Variants in XYLT1 observed in about 807,000 individuals in gnomAD.
XYLT1 encodes beta-D-xylosyltransferase 1.
A neutral mutation model predicts 91.3 loss-of-function variants in XYLT1; 36 were observed. The observed-to-expected ratio is 0.39, with a 90% CI of 0.30 to 0.52. The LOEUF (loss-of-function observed/expected upper bound fraction) is 0.52, where lower values mean the gene tolerates loss of function less well. Among genes scored for constraint, XYLT1 ranks in the 20% least tolerant of loss-of-function variants. The pLI is 0.68. For synonymous variants in XYLT1, 588 were observed against 532.0 expected (o/e 1.11, Z -1.45); for missense variants, 1,242 against 1,284.5 (o/e 0.97, Z 0.51).
chr16:17,367,234 C>G (rs2035466919), intron 1 of XYLT1, among the ~76,000 whole-genome samples: 1 of 152,188 alleles, frequency 6.6e-6, no homozygotes, highest in Admixed American at 6.5e-5. Flanking sequence ...AGCTCAGAGG[C>G]ATCTCAGACC....
chr16:17,148,720 G>A (rs2031202590), intron 6 of XYLT1, among the ~76,000 whole-genome samples: 1 of 152,188 alleles, frequency 6.6e-6, no homozygotes, highest in African/African-American at 2.4e-5. Flanking sequence ...TCCAATGCAA[G>A]CTCTTAACTA....
intron 3 of XYLT1, among the ~76,000 whole-genome samples, chr16:17,258,223 A>G (rs1487579051): frequency 6.6e-6 from 1 of 151,950 alleles, no homozygotes; most frequent in Middle Eastern, 3.2e-3. Context: ...GGGAGGAGAG[A>G]AAAATTAGGA....
At chr16:17,162,104 G>A (rs1418776169) in intron 5 of XYLT1, among the ~76,000 whole-genome samples, 1 of 152,112 alleles carries the variant, frequency 6.6e-6, no homozygotes, top group African/African-American at 2.4e-5. Flanking sequence ...TAGTCACAAT[G>A]ATGCTAAAAA....
chr16:17,142,808 A>C (rs1359144130), intron 6 of XYLT1, among the ~76,000 whole-genome samples: 1 of 152,150 alleles, frequency 6.6e-6, no homozygotes, highest in Non-Finnish European at 1.5e-5. Context: ...CACCAACTAT[A>C]ATGTGACAGG....
In XYLT1 at chr16:17,191,222, T is replaced by A. The variant is rs542452622; in HGVS notation, c.1289+6990A>T. 2.0e-5 allele frequency among the ~76,000 whole-genome samples: 3 copies of A among 152,370 alleles called. No homozygotes were observed. In the South Asian group the frequency reaches 6.2e-4, roughly 32 times the overall value. The stretch of plus-strand genomic sequence containing the variant: ...CTGAATTGTAAAGCACTTAGAATAA[T>A]GCTAGGAATGTACGAAGTGCTACAT... On this transcript the variant is annotated intron_variant, in intron 5 of 11. Coordinates refer to ENST00000261381, the MANE Select transcript of XYLT1 (RefSeq NM_022166.4).
chr16:17,285,968 G>C (rs1445955422), intron 2 of XYLT1, among the ~76,000 whole-genome samples: 1 of 151,986 alleles, frequency 6.6e-6, no homozygotes, highest in African/African-American at 2.4e-5. Context: ...GAGAGAGACA[G>C]AGAGACAGAG....
chr16:17,213,651 C>T, intron 3 of XYLT1, among the ~76,000 whole-genome samples: 1 of 151,922 alleles, frequency 6.6e-6, no homozygotes, highest in South Asian at 2.1e-4. Flanking sequence ...CTGAGTCTCG[C>T]ACTGTCGCCC....
At position 17,186,580 on chromosome 16, in the gene XYLT1, G is replaced by A. The variant is rs534649443; in HGVS notation, c.1289+11632C>T. ...TCGGCCTCTCAAAGTGCTGGGATAGGCATGAGCCACTGCGCCTGCTGAACT... is the reference window on the plus strand; with the variant it reads ...TCGGCCTCTCAAAGTGCTGGGATAGACATGAGCCACTGCGCCTGCTGAACT... On this transcript the variant is annotated intron_variant, in intron 5 of 11. Coordinates refer to ENST00000261381, the MANE Select transcript of XYLT1 (RefSeq NM_022166.4). 1.0e-3 allele frequency among the ~76,000 whole-genome samples: 159 copies of A among 151,684 alleles called. 3 individuals are homozygous for A. The South Asian group carries it at 0.019, about 18-fold the overall frequency.
chr16:17,455,003 G>A (rs540591359), intron 1 of XYLT1, among the ~76,000 whole-genome samples: 4 of 141,246 alleles, frequency 2.8e-5, no homozygotes, highest in South Asian at 2.2e-4. Flanking sequence ...TGGCTTGTAA[G>A]CTGGGGTTCG....
At chr16:17,445,033 T>G (rs1200155258) in intron 1 of XYLT1, among the ~76,000 whole-genome samples, 2 of 152,216 alleles carry the variant, frequency 1.3e-5, no homozygotes, top group Non-Finnish European at 2.9e-5. Flanking sequence ...AGGGTCTCAC[T>G]CTATCACCCA....
chr16:17,218,579 A>G (rs1164121821), intron 3 of XYLT1, among the ~76,000 whole-genome samples: 5 of 152,170 alleles, frequency 3.3e-5, no homozygotes, highest in Admixed American at 6.5e-5. Flanking sequence ...GCTTTCATCC[A>G]TAGGTCCTAA....
chr16:17,219,436 G>T (rs953791390), intron 3 of XYLT1, among the ~76,000 whole-genome samples: 1 of 152,146 alleles, frequency 6.6e-6, no homozygotes, highest in Non-Finnish European at 1.5e-5. Flanking sequence ...GCTACATCTT[G>T]TCTTTTACCA....
chr16:17,414,770 TG>T (rs1219106171), intron 1 of XYLT1, among the ~76,000 whole-genome samples: 1 of 152,210 alleles, frequency 6.6e-6, no homozygotes, highest in Non-Finnish European at 1.5e-5. Flanking sequence ...ACCTCCTCAC[TG>T]TGTGTACCAG....
intron 3 of XYLT1, among the ~76,000 whole-genome samples, chr16:17,230,778 T>G (rs140724791): frequency 6.6e-6 from 1 of 152,210 alleles, no homozygotes. Context: ...CTCTTCTCTA[T>G]GCTTTAAATA....
At chr16:17,184,187 T>TTTA (rs1318638979) in intron 5 of XYLT1, among the ~76,000 whole-genome samples, 4 of 118,718 alleles carry the variant, frequency 3.4e-5, no homozygotes, top group African/African-American at 1.3e-4. Flanking sequence ...AAAGACGGCT[T>TTTA]TTTTTTTTTT....
At chr16:17,334,148 T>C (rs1169814559) in intron 2 of XYLT1, among the ~76,000 whole-genome samples, 1 of 152,202 alleles carries the variant, frequency 6.6e-6, no homozygotes, top group Non-Finnish European at 1.5e-5. Flanking sequence ...TGCTGGCACC[T>C]TGATCTTGGA....
chr16:17,288,457 G>A (rs551539172), intron 2 of XYLT1, among the ~76,000 whole-genome samples: 1 of 152,150 alleles, frequency 6.6e-6, no homozygotes, highest in East Asian at 1.9e-4. Flanking sequence ...TGTTCTTCTT[G>A]GGGCTTGTCT....
chr16:17,144,169 G>A (rs1461273553), intron 6 of XYLT1, among the ~76,000 whole-genome samples: 4 of 152,200 alleles, frequency 2.6e-5, no homozygotes, highest in Non-Finnish European at 4.4e-5. Context: ...CTTCATGTGA[G>A]CTAGGGTTGT....
At chr16:17,145,573 A>G (rs765678638) in intron 6 of XYLT1, among the ~76,000 whole-genome samples, 2 of 152,226 alleles carry the variant, frequency 1.3e-5, no homozygotes, top group Non-Finnish European at 2.9e-5. Context: ...TGGAAATAGG[A>G]GACAGAAAGA....
Sources: gnomAD v4.1 joint callset for allele counts (sites outside exome capture counted in the v4.1 genomes callset) on GRCh38, gnomAD v4.1.1 for gene constraint, MANE v1.5 for transcripts, NCBI Gene and HGNC (gene_info 2026-07-23, HGNC 2026-07-21) for gene names.